The following GATAD1 variants were observed in gnomAD, a reference collection of about 807,000 sequenced individuals.
GATAD1 encodes the protein GATA zinc finger domain containing 1, also known as GATA zinc finger domain-containing protein 1.
Under a neutral mutation model 26.5 loss-of-function variants are expected in GATAD1, and 12 were observed. The observed-to-expected ratio is 0.45, with a 90% CI of 0.29 to 0.73. GATAD1 has a LOEUF of 0.73. Among genes scored for constraint, GATAD1 ranks in the 30% least tolerant of loss-of-function variants. The pLI is 0.10. For missense variants in GATAD1, 266 were observed against 342.1 expected, an observed-to-expected ratio of 0.78 and a Z score of 1.75; for synonymous variants, 129 against 133.1, an observed-to-expected ratio of 0.97 and a Z score of 0.21.
chr7:92,450,742 A>G lies in GATAD1; in HGVS notation c.417A>G (p.Ala139=). 6.2e-7 allele frequency: 1 copy of G among 1,608,162 alleles called. No individual in the cohort carries two copies. The highest frequency in any genetic ancestry group is 8.5e-7 in the Non-Finnish European group (1 of 1,174,602). ...APESVSTIIT[A]ESIFYKGVYY... ...AGTCAGTTTCCACTATAATCACTGCAGAATCAATCTTCTACAAGGTAAGCT... is the reference window on the plus strand; with the variant it reads ...AGTCAGTTTCCACTATAATCACTGCGGAATCAATCTTCTACAAGGTAAGCT... The change falls in exon 3 of 5, where the codon GCA becomes GCG. Residue 139 remains alanine, a synonymous_variant. Transcript: ENST00000287957.
Position 92,454,639 on chromosome 7 carries a change from C to G in GATAD1, c.573C>G (p.Thr191=). 6.2e-7 allele frequency: 1 copy of G among 1,609,630 alleles called. No individual in the cohort carries two copies. The highest frequency in any genetic ancestry group is 1.1e-5 in the South Asian group (1 of 89,812). The stretch of plus-strand genomic sequence containing the variant: ...CAGCACTGACGTGGCTCATTCCTAC[C>G]CTCTCTAGCCCCAGAGACCAATTTG... ...KSAALTWLIP[T]LSSPRDQFDP... is the part of the protein sequence containing the mutation. The change falls in exon 4 of 5, where the codon ACC becomes ACG. Residue 191 remains threonine, a synonymous_variant. Coordinates refer to ENST00000287957, the MANE Select transcript of GATAD1 (RefSeq NM_021167.5).
the GATAD1 span, among the ~76,000 whole-genome samples, chr7:92,479,706 G>T: frequency 6.6e-6 from 1 of 152,122 alleles, no homozygotes; most frequent in Admixed American, 6.5e-5. Flanking sequence ...GGGCTGCTTC[G>T]AGAGGGATTA....
chr7:92,447,756 C>T lies in GATAD1; in HGVS notation c.27C>T (p.Cys9=), dbSNP rs1585162237. 1.3e-6 allele frequency: 2 copies of T among 1,498,034 alleles called. No homozygotes were observed. The highest frequency in any genetic ancestry group is 1.8e-6 in the Non-Finnish European group (2 of 1,123,140). 92.8% of individuals were successfully genotyped at this position (1,498,034 alleles called of 1,614,324 possible). ...TGCCGCTGGGCCTGAAGCCCACCTG[C>T]AGCGTATGCAAGACCACGTCGTCCT... is the stretch of plus-strand genomic sequence containing the variant. The part of the protein sequence containing the change: MPLGLKPT[C]SVCKTTSSSM... Residue 9 remains cysteine, a synonymous_variant, in exon 1 of 5, where the codon TGC becomes TGT. Coordinates refer to ENST00000287957, the MANE Select transcript of GATAD1 (RefSeq NM_021167.5).
chr7:92,494,112 C>T, the GATAD1 span: 1 of 598,600 alleles, frequency 1.7e-6, no homozygotes. Flanking sequence ...TTGCACTGGG[C>T]CAAAAAAAGG....
the GATAD1 span, chr7:92,494,065 A>C: frequency 2.0e-6 from 1 of 494,592 alleles, no homozygotes; most frequent in Non-Finnish European, 3.7e-6. Flanking sequence ...TTTTTTCCCC[A>C]ATCAGCCAAC....
the GATAD1 span, chr7:92,487,430 C>A: frequency 4.6e-6 from 6 of 1,292,014 alleles, no homozygotes; most frequent in Admixed American, 1.8e-5. Flanking sequence ...AAAAACTTAA[C>A]AGAACCAAAT....
At chr7:92,492,875 T>G in the GATAD1 span, 5 of 1,162,418 alleles carry the variant, frequency 4.3e-6, no homozygotes, top group Admixed American at 3.4e-5. Context: ...AAAATAGCAT[T>G]TTTTAAGGTG....
intron 4 of GATAD1, among the ~76,000 whole-genome samples, chr7:92,455,113 G>A (rs568761017): frequency 6.6e-6 from 1 of 151,832 alleles, no homozygotes; most frequent in Non-Finnish European, 1.5e-5. Flanking sequence ...AGGGTGGCGG[G>A]GGGGGATGCA....
the GATAD1 span, among the ~76,000 whole-genome samples, chr7:92,485,713 A>G: frequency 6.6e-6 from 1 of 152,254 alleles, no homozygotes; most frequent in Non-Finnish European, 1.5e-5. Context: ...TAGCCCTTAC[A>G]AACAGTGGAG....
downstream of GATAD1, among the ~76,000 whole-genome samples, chr7:92,464,171 C>T (rs1790023330): frequency 6.6e-6 from 1 of 152,116 alleles, no homozygotes; most frequent in Admixed American, 6.5e-5. Context: ...AAAGATCCTA[C>T]TTGATTCTTA....
chr7:92,494,759 A>G, the GATAD1 span: 1 of 485,590 alleles, frequency 2.1e-6, no homozygotes, highest in Non-Finnish European at 3.2e-6. Flanking sequence ...AATTTTTACA[A>G]CAAACCCTTA....
At chr7:92,448,029 G>GGACGGGGACGGGCT (rs1279842897) in intron 1 of GATAD1, 51 bp downstream of exon 1, 1 of 1,181,376 alleles carries the variant, frequency 8.5e-7, no homozygotes, top group Non-Finnish European at 1.1e-6. Flanking sequence ...GGTGCTAGGC[G>GGACGGGGACGGGCT]GGCGGGGACG....
At chr7:92,451,618 G>T (rs1441290232) in intron 3 of GATAD1, among the ~76,000 whole-genome samples, 2 of 152,212 alleles carry the variant, frequency 1.3e-5, no homozygotes, top group Non-Finnish European at 2.9e-5. Flanking sequence ...GGGGTACACT[G>T]GCATTCCTCA....
intron 4 of GATAD1, 49 bp from the exon 5 acceptor site, chr7:92,456,323 A>G: frequency 8.0e-7 from 1 of 1,253,446 alleles, no homozygotes; most frequent in Non-Finnish European, 1.1e-6. Flanking sequence ...TATGAAAATG[A>G]TATATATGGT....
the GATAD1 span, chr7:92,494,164 A>T: frequency 1.3e-6 from 1 of 749,592 alleles, no homozygotes; most frequent in Non-Finnish European, 2.4e-6. Context: ...TTGAGCAAAC[A>T]GTGGCTAAAG....
chr7:92,462,559 AATAG>A (rs1224618763), downstream of GATAD1, among the ~76,000 whole-genome samples: 5 of 152,254 alleles, frequency 3.3e-5, no homozygotes, highest in Non-Finnish European at 7.3e-5. Context: ...ACAACTTTAA[AATAG>A]ATATTTAGGT....
Position 92,447,805 on chromosome 7 carries a change from G to A in GATAD1, c.76G>A (p.Gly26Arg), listed in dbSNP as rs970308260. The stretch of plus-strand genomic sequence containing the variant: ...CTCCATGTGGAAGAAGGGAGCGCAG[G>A]GGGAGATCCTCTGCCATCATTGCAC... ...SSSMWKKGAQ[G>R]EILCHHCTGR... Residue 26 changes from glycine (G) to arginine (R), a missense_variant, in exon 1 of 5, where the codon GGG becomes AGG. By Grantham distance (125) the Gly-to-Arg change is moderately radical. Transcript: ENST00000287957. 1.3e-6 allele frequency: 2 copies of A among 1,492,176 alleles called. No homozygotes were observed. The highest frequency in any genetic ancestry group is 1.8e-6 in the Non-Finnish European group (2 of 1,120,294). The allele number at this position is 1,492,176 out of a possible 1,614,324, so 92.4% of individuals were successfully genotyped here. A position where few individuals can be genotyped will look rare whatever the true frequency, so the allele number is the denominator to read the frequency against.
chr7:92,485,319 C>T, the GATAD1 span, among the ~76,000 whole-genome samples: 1 of 152,142 alleles, frequency 6.6e-6, no homozygotes, highest in East Asian at 1.9e-4. Context: ...CCTGGTGTTC[C>T]TCCAGTCATT....
chr7:92,474,431 A>T, the GATAD1 span, among the ~76,000 whole-genome samples: 4 of 152,162 alleles, frequency 2.6e-5, no homozygotes, highest in African/African-American at 9.7e-5. Flanking sequence ...GTTATGGTGG[A>T]CATCATTGAG....
Sources: allele counts gnomAD v4.1 joint callset (sites outside exome capture counted in the v4.1 genomes callset), GRCh38; gene constraint gnomAD v4.1.1; transcripts MANE v1.5; gene names NCBI Gene and HGNC (gene_info 2026-07-23, HGNC 2026-07-21).